Variants in ANGPT1 observed in about 807,000 individuals in gnomAD.
The protein encoded by ANGPT1 is angiopoietin-1.
A neutral mutation model predicts 62.2 loss-of-function variants in ANGPT1; 17 were observed. The ratio of observed to expected loss-of-function variants is 0.27; its 90% confidence interval spans 0.19 to 0.41. The LOEUF is 0.41. ANGPT1 is among the 10% of genes least tolerant of loss of function. The probability of loss-of-function intolerance (pLI) is 1.00; values close to 1 mark genes in which losing one functional copy is unlikely to be tolerated. For missense variants in ANGPT1, 478 were observed against 594.9 expected (o/e 0.80, Z 2.04); for synonymous variants, 199 against 198.9 (o/e 1.00, Z 0.00).
chr8:107,340,223 A>G (rs962867274), intron 2 of ANGPT1, among the ~76,000 whole-genome samples: 13 of 152,350 alleles, frequency 8.5e-5, no homozygotes, highest in Admixed American at 5.9e-4. Flanking sequence ...GGGGAAAAAA[A>G]AAGAAAATTT....
At chr8:107,373,027 A>G (rs1816447825) in intron 1 of ANGPT1, among the ~76,000 whole-genome samples, 1 of 152,124 alleles carries the variant, frequency 6.6e-6, no homozygotes, top group South Asian at 2.1e-4. Context: ...ATGCTAAAAC[A>G]TTTGAGACAT....
intron 1 of ANGPT1, among the ~76,000 whole-genome samples, chr8:107,390,901 C>T (rs1816821849): frequency 6.6e-6 from 1 of 152,058 alleles, no homozygotes. Flanking sequence ...TGGTCTGCTG[C>T]CTCTGCTACT....
Position 107,250,480 on chromosome 8 carries a change from GATA to G in ANGPT1, c.*1372_*1374del, listed in dbSNP as rs1813225763. The G allele has an allele frequency of 6.6e-6, 1 of 151,822 alleles. No individual in the cohort carries two copies. Among genetic ancestry groups the G allele is most frequent in the Non-Finnish European group, 1.5e-5 (1 of 67,956 alleles). 9.4% of individuals were successfully genotyped at this position (151,822 alleles called of 1,614,324 possible). A position where few individuals can be genotyped will look rare whatever the true frequency, so the allele number is the denominator to read the frequency against. On this transcript the variant is annotated 3_prime_UTR_variant, in exon 9 of 9. Coordinates refer to ENST00000517746, the MANE Select transcript of ANGPT1 (RefSeq NM_001146.5). Reference sequence around the variant, plus strand: ...ATAGTTTTGCCAATTTTTCTCCCCTGATAATAATTTTTAAAAATTAAAAATTGC... The same window carrying G: ...ATAGTTTTGCCAATTTTTCTCCCCTGATAATTTTTAAAAATTAAAAATTGC...
rs1205804437 is a variant in ANGPT1 at position 107,357,787 on chromosome 8, C to T, written c.298-10690G>A. ...AAGCCTTAACAATTAAGGGATTTGT[C>T]GATTTTTCAGGAATACCATGACTAG... On this transcript the variant is annotated intron_variant, in intron 1 of 8. Transcript: ENST00000517746. Among the ~76,000 whole-genome samples the T allele has an allele frequency of 2.6e-5, 4 of 152,048 alleles. No homozygotes were observed. In the East Asian group the frequency reaches 7.7e-4, roughly 29 times the overall value.
At chr8:107,326,068 A>G (rs1280360447) in intron 3 of ANGPT1, among the ~76,000 whole-genome samples, 1 of 152,206 alleles carries the variant, frequency 6.6e-6, no homozygotes, top group Non-Finnish European at 1.5e-5. Context: ...ATTAATTTTC[A>G]TAATTCATCA....
intron 5 of ANGPT1, among the ~76,000 whole-genome samples, chr8:107,295,758 A>G (rs1053480870): frequency 5.9e-5 from 9 of 152,160 alleles, no homozygotes; most frequent in African/African-American, 1.9e-4. Flanking sequence ...GAAAAAGTTT[A>G]TCGAGCACTT....
At chr8:107,472,412 A>C (rs546706641) in intron 1 of ANGPT1, among the ~76,000 whole-genome samples, 6 of 152,066 alleles carry the variant, frequency 3.9e-5, no homozygotes, top group Non-Finnish European at 8.8e-5. Flanking sequence ...AACTATTTTA[A>C]ATTCTTCTGC....
chr8:107,457,230 C>T (rs566928112), intron 1 of ANGPT1, among the ~76,000 whole-genome samples: 6 of 152,120 alleles, frequency 3.9e-5, no homozygotes, highest in Admixed American at 3.3e-4. Context: ...AAATCTAAAA[C>T]TCCTGTGTAA....
chr8:107,477,271 G>A (rs560384189), intron 1 of ANGPT1, among the ~76,000 whole-genome samples: 12 of 152,238 alleles, frequency 7.9e-5, no homozygotes, highest in East Asian at 1.9e-4. Context: ...AGGATGGAGC[G>A]GGAGAGAGTT....
chr8:107,361,967 G>C (rs1473286174), intron 1 of ANGPT1, among the ~76,000 whole-genome samples: 1 of 152,140 alleles, frequency 6.6e-6, no homozygotes, highest in East Asian at 1.9e-4. Flanking sequence ...GCTGAGGCAG[G>C]AGAATCACTT....
intron 1 of ANGPT1, among the ~76,000 whole-genome samples, chr8:107,442,040 C>T (rs1220100069): frequency 1.3e-5 from 2 of 152,076 alleles, no homozygotes; most frequent in South Asian, 2.1e-4. Context: ...GCCAAGATCA[C>T]GCCATCGCAC....
intron 1 of ANGPT1, among the ~76,000 whole-genome samples, chr8:107,441,966 C>T (rs551245086): frequency 1.3e-5 from 2 of 152,110 alleles, no homozygotes; most frequent in South Asian, 2.1e-4. Context: ...CATCTGTAAT[C>T]GCGGCTACTC....
chr8:107,485,410 G>A (rs893766524), intron 1 of ANGPT1, among the ~76,000 whole-genome samples: 2 of 152,116 alleles, frequency 1.3e-5, no homozygotes, highest in East Asian at 3.9e-4. Context: ...GAATGGACAG[G>A]GAGAATTTAG....
chr8:107,364,861 T>G (rs921622587), intron 1 of ANGPT1, among the ~76,000 whole-genome samples: 4 of 152,124 alleles, frequency 2.6e-5, no homozygotes, highest in African/African-American at 4.8e-5. Flanking sequence ...AGGCCAGCAA[T>G]TAATAAAGTG....
At position 107,303,313 on chromosome 8, in the gene ANGPT1, T is replaced by C. The variant is rs1490020274; in HGVS notation, c.863A>G (p.Asp288Gly). The C allele has an allele frequency of 1.2e-6, 2 of 1,604,760 alleles. No individual in the cohort carries two copies. The highest frequency in any genetic ancestry group is 1.7e-5 in the Admixed American group (1 of 59,604). The change falls in exon 5 of 9, where the codon GAT becomes GGT. Residue 288 changes from aspartate to glycine, a missense_variant. This residue lies in a region of ANGPT1 where 343 missense variants were observed against 355.4 expected (regional missense o/e 0.97). Transcript: ENST00000517746. ...EEEKPFRDCA[D>G]VYQAGFNKSG... ...TTTATTAAAACCAGCTTGATATACATCTGCACAGTCTCTAAATGGTTTCTC... is the reference window on the plus strand; with the variant it reads ...TTTATTAAAACCAGCTTGATATACACCTGCACAGTCTCTAAATGGTTTCTC...
chr8:107,409,648 A>G (rs2130352096), intron 1 of ANGPT1, among the ~76,000 whole-genome samples: 1 of 152,274 alleles, frequency 6.6e-6, no homozygotes, highest in East Asian at 1.9e-4. Flanking sequence ...GTCAGGGCCA[A>G]TGAGATTATA....
Position 107,415,858 on chromosome 8 carries a change from C to T in ANGPT1, c.298-68761G>A, listed in dbSNP as rs534614930. On this transcript the variant is annotated intron_variant, in intron 1 of 8. Coordinates refer to ENST00000517746, the MANE Select transcript of ANGPT1 (RefSeq NM_001146.5). ...TACTAGGTAGTCATGGAGGGCTCCC[C>T]CTTGCAAAGTAATTATAACGGAGCT... 3.9e-5 allele frequency among the ~76,000 whole-genome samples: 6 copies of T among 152,166 alleles called. No homozygotes were observed. In the South Asian group the frequency reaches 6.2e-4, roughly 16 times the overall value.
intron 8 of ANGPT1, among the ~76,000 whole-genome samples, chr8:107,258,804 CATAT>C (rs1379523999): frequency 6.6e-6 from 1 of 152,114 alleles, no homozygotes; most frequent in Non-Finnish European, 1.5e-5. Flanking sequence ...CATGCTGGTG[CATAT>C]AAATACATGT....
chr8:107,328,152 T>C (rs538328958), intron 3 of ANGPT1, among the ~76,000 whole-genome samples: 1 of 152,232 alleles, frequency 6.6e-6, no homozygotes, highest in South Asian at 2.1e-4. Context: ...TCTGTCTGAA[T>C]CTATTTACAG....
Sources: allele counts gnomAD v4.1 joint callset (sites outside exome capture counted in the v4.1 genomes callset), GRCh38; gene constraint gnomAD v4.1.1; regional missense constraint gnomAD v4.1.1; transcripts MANE v1.5; gene names NCBI Gene and HGNC (gene_info 2026-07-23, HGNC 2026-07-21).